SLC22A2: variants seen among roughly 807,000 people sequenced by gnomAD.
SLC22A2 encodes the protein solute carrier family 22 member 2.
Under a neutral mutation model 60.5 loss-of-function variants are expected in SLC22A2, and 46 were observed. That is an observed-to-expected ratio of 0.76 (90% confidence interval 0.60 to 0.97). The LOEUF is 0.97. SLC22A2 is among the 50% of genes least tolerant of loss of function. The pLI, the probability that SLC22A2 is intolerant of heterozygous loss-of-function variation, is 0.00. For missense variants in SLC22A2, 701 were observed against 706.6 expected (o/e 0.99, Z 0.09); for synonymous variants, 303 against 267.0 (o/e 1.13, Z -1.31).
intron 9 of SLC22A2, among the ~76,000 whole-genome samples, chr6:160,225,783 G>T (rs1782712627): frequency 6.6e-6 from 1 of 152,164 alleles, no homozygotes; most frequent in Non-Finnish European, 1.5e-5. Context: ...CTACTCTTGT[G>T]CCAATTAAAA....
chr6:160,225,368 C>A (rs1782707448), intron 9 of SLC22A2, among the ~76,000 whole-genome samples: 1 of 152,004 alleles, frequency 6.6e-6, no homozygotes, highest in Non-Finnish European at 1.5e-5. Context: ...TCTTTAGATT[C>A]TGATAAAAGT....
At chr6:160,255,049 C>T (rs1783247335) in intron 2 of SLC22A2, among the ~76,000 whole-genome samples, 1 of 152,150 alleles carries the variant, frequency 6.6e-6, no homozygotes, top group Admixed American at 6.5e-5. Context: ...CCAGAGCTGC[C>T]CAGGGGTGCA....
intron 10 of SLC22A2, among the ~76,000 whole-genome samples, chr6:160,223,535 A>G (rs571378348): frequency 6.6e-6 from 1 of 152,272 alleles, no homozygotes; most frequent in East Asian, 1.9e-4. Context: ...TAATGGCTGT[A>G]TAATTTTACA....
intron 9 of SLC22A2, among the ~76,000 whole-genome samples, chr6:160,240,962 A>G (rs2114862303): frequency 6.6e-6 from 1 of 152,294 alleles, no homozygotes; most frequent in African/African-American, 2.4e-5. Flanking sequence ...CATTATGCTG[A>G]TGCATTTTCT....
Position 160,233,317 on chromosome 6 carries a change from T to C in SLC22A2, c.1501+8157A>G, listed in dbSNP as rs538737365. ...CCTCGTTTTGGCCTTCCCACCTCTATACAGTCTGATAACGGACCAGCCTTT... is the reference window on the plus strand; with the variant it reads ...CCTCGTTTTGGCCTTCCCACCTCTACACAGTCTGATAACGGACCAGCCTTT... On this transcript the variant is annotated intron_variant, in intron 9 of 10. Coordinates refer to ENST00000366953, the MANE Select transcript of SLC22A2 (RefSeq NM_003058.4). Among the ~76,000 whole-genome samples, 5 of 151,956 alleles carry C rather than the reference T, an allele frequency of 3.3e-5. No homozygotes were observed. The South Asian group carries it at 1.0e-3, about 32-fold the overall frequency.
At chr6:160,220,954 A>G (rs541025972) in intron 10 of SLC22A2, among the ~76,000 whole-genome samples, 2 of 152,212 alleles carry the variant, frequency 1.3e-5, no homozygotes, top group Non-Finnish European at 2.9e-5. Flanking sequence ...TTCATGGTAA[A>G]TGAACACTGG....
chr6:160,242,888 T>A (rs978129757), intron 7 of SLC22A2, among the ~76,000 whole-genome samples: 37 of 152,176 alleles, frequency 2.4e-4, no homozygotes, highest in African/African-American at 8.9e-4. Context: ...TATTTTAGTA[T>A]CATATGGAAT....
intron 9 of SLC22A2, among the ~76,000 whole-genome samples, chr6:160,233,847 C>A (rs1161520194): frequency 1.3e-5 from 2 of 151,764 alleles, no homozygotes; most frequent in African/African-American, 2.4e-5. Flanking sequence ...CATACCACCC[C>A]CCAAAATTTT....
chr6:160,254,020 A>G (rs1276551692), intron 2 of SLC22A2, among the ~76,000 whole-genome samples: 2 of 152,186 alleles, frequency 1.3e-5, no homozygotes, highest in African/African-American at 4.8e-5. Context: ...GCTCATGCCT[A>G]TAATCCCAGC....
intron 9 of SLC22A2, among the ~76,000 whole-genome samples, chr6:160,231,629 A>G (rs1432793199): frequency 6.6e-6 from 1 of 151,894 alleles, no homozygotes; most frequent in African/African-American, 2.4e-5. Flanking sequence ...AGGTTAGTTC[A>G]GGATCTGCGC....
chr6:160,250,665 T>A lies in SLC22A2; in HGVS notation c.556A>T (p.Ile186Leu). Residue 186 changes from isoleucine to leucine, a missense_variant, in exon 3 of 11, where the codon ATA becomes TTA. By Grantham distance (5) the Ile-to-Leu change is conservative (BLOSUM62 2). Coordinates refer to ENST00000366953, the MANE Select transcript of SLC22A2 (RefSeq NM_003058.4). ...ATGAGAACTCCAGCTGCAGCATTTATGAGGACTGTAGTTAGGAGGCAGAGC... is the reference window on the plus strand; with the variant it reads ...ATGAGAACTCCAGCTGCAGCATTTAAGAGGACTGTAGTTAGGAGGCAGAGC... ...RKLCLLTTVL[I>L]NAAAGVLMAI... 1 of 1,614,102 alleles carries A rather than the reference T, an allele frequency of 6.2e-7. No homozygotes were observed. The highest frequency in any genetic ancestry group is 1.1e-5 in the South Asian group (1 of 91,084).
At position 160,243,607 on chromosome 6, in the gene SLC22A2, C is replaced by T. The variant is rs371858488; in HGVS notation, c.1244G>A (p.Gly415Glu). ...AAAAACTGAGGCCAGACAGGCTGCCCCTGCAACCATATTTGATGCAGCCCA... is the reference window on the plus strand; with the variant it reads ...AAAAACTGAGGCCAGACAGGCTGCCTCTGCAACCATATTTGATGCAGCCCA... Reference protein sequence around the residue: ...YPWAASNMVAGAACLASVFIP... With the variant: ...YPWAASNMVAEAACLASVFIP... The change falls in exon 7 of 11, where the codon GGG becomes GAG. Residue 415 changes from glycine (G) to glutamate (E), a missense_variant. By Grantham distance (98) the Gly-to-Glu change is moderately conservative. Transcript: ENST00000366953. The T allele has an allele frequency of 2.5e-5, 41 of 1,613,856 alleles. No homozygotes were observed. The highest frequency in any genetic ancestry group is 3.1e-5 in the Non-Finnish European group (36 of 1,179,906).
chr6:160,231,837 C>T (rs763156764), intron 9 of SLC22A2, among the ~76,000 whole-genome samples: 19 of 151,906 alleles, frequency 1.3e-4, no homozygotes, highest in East Asian at 3.9e-4. Context: ...GCTGGCTCTC[C>T]GTAACTCTTC....
intron 3 of SLC22A2, among the ~76,000 whole-genome samples, chr6:160,249,732 ATT>A (rs1365847674): frequency 1.3e-5 from 2 of 152,258 alleles, no homozygotes; most frequent in Admixed American, 1.3e-4. Context: ...CAAACATTAA[ATT>A]TAGACCGTAG....
chr6:160,237,163 C>T (rs1168548103), intron 9 of SLC22A2, among the ~76,000 whole-genome samples: 4 of 152,094 alleles, frequency 2.6e-5, no homozygotes, highest in Non-Finnish European at 5.9e-5. Flanking sequence ...ACGAGTGATT[C>T]CTGCAGTTCA....
chr6:160,255,168 C>T (rs1783249361), intron 2 of SLC22A2, among the ~76,000 whole-genome samples: 1 of 152,226 alleles, frequency 6.6e-6, no homozygotes, highest in African/African-American at 2.4e-5. Flanking sequence ...CCTTCCCTTT[C>T]ACCTTGCAAG....
chr6:160,242,269 G>A (rs199752307), intron 8 of SLC22A2, 25 bp downstream of exon 8: 35 of 1,254,916 alleles, frequency 2.8e-5, no homozygotes, highest in East Asian at 4.6e-5. Context: ...ACCCACCCTC[G>A]TCATTCTAAG....
intron 5 of SLC22A2, among the ~76,000 whole-genome samples, chr6:160,246,876 G>T (rs1783103605): frequency 6.6e-6 from 1 of 152,240 alleles, no homozygotes; most frequent in South Asian, 2.1e-4. Context: ...GATGATGGGG[G>T]TGCTGGGCAC....
intron 3 of SLC22A2, among the ~76,000 whole-genome samples, chr6:160,250,013 T>C (rs189636884): frequency 1.3e-5 from 2 of 152,336 alleles, no homozygotes; most frequent in East Asian, 1.9e-4. Context: ...TTATAGTATA[T>C]GGAACTTAAC....
Sources: gnomAD v4.1 joint callset for allele counts (sites outside exome capture counted in the v4.1 genomes callset) on GRCh38, gnomAD v4.1.1 for gene constraint, MANE v1.5 for transcripts, NCBI Gene and HGNC (gene_info 2026-07-23, HGNC 2026-07-21) for gene names.